KDM4C: variants seen among roughly 807,000 people sequenced by gnomAD.
KDM4C encodes lysine-specific demethylase 4C.
In KDM4C, 81 loss-of-function variants were observed where a neutral mutation model predicts 129.3. The observed-to-expected ratio is 0.63, with a 90% CI of 0.52 to 0.75. The LOEUF is 0.75. Ranked by LOEUF, KDM4C falls within the 30% of genes least tolerant of loss-of-function variation. The probability of loss-of-function intolerance (pLI) is 0.00; values close to 1 mark genes in which losing one functional copy is unlikely to be tolerated. For synonymous variants in KDM4C, 573 were observed against 456.1 expected (o/e 1.26, Z -3.26); for missense variants, 1,457 against 1,304.0 (o/e 1.12, Z -1.81).
chr9:7,080,035 T>C (rs1463260536), intron 17 of KDM4C, among the ~76,000 whole-genome samples: 1 of 145,118 alleles, frequency 6.9e-6, no homozygotes, highest in Admixed American at 6.9e-5. Flanking sequence ...TAATAAATAC[T>C]GAAAAAAAAA....
chr9:6,822,404 C>T (rs1432494484), intron 4 of KDM4C, among the ~76,000 whole-genome samples: 1 of 152,172 alleles, frequency 6.6e-6, no homozygotes, highest in Non-Finnish European at 1.5e-5. Context: ...GGAATGTTCT[C>T]AGGAGGATGA....
chr9:6,938,584 T>C (rs900969316), intron 8 of KDM4C, among the ~76,000 whole-genome samples: 3 of 152,212 alleles, frequency 2.0e-5, no homozygotes, highest in African/African-American at 7.2e-5. Context: ...GTTTGGTTTT[T>C]CAGCCAGCAC....
chr9:6,925,505 A>C (rs1166206934), intron 8 of KDM4C: 1 of 838,240 alleles, frequency 1.2e-6, no homozygotes, highest in African/African-American at 2.1e-5. Flanking sequence ...CATCTTGCTC[A>C]TGCTGCTTTC....
chr9:6,854,286 T>C (rs924081529), intron 5 of KDM4C, among the ~76,000 whole-genome samples: 4 of 152,132 alleles, frequency 2.6e-5, no homozygotes, highest in African/African-American at 9.6e-5. Context: ...CCCAGCACTT[T>C]GGGAGGCCGA....
chr9:6,810,997 C>A (rs1006159180), intron 3 of KDM4C, among the ~76,000 whole-genome samples: 2 of 152,278 alleles, frequency 1.3e-5, no homozygotes, highest in Non-Finnish European at 2.9e-5. Flanking sequence ...CTGCCAGTTT[C>A]ATGTAGAAAT....
intron 8 of KDM4C, 36 bp from the exon 9 acceptor site, chr9:6,980,889 A>C: frequency 1.3e-6 from 2 of 1,598,854 alleles, no homozygotes; most frequent in Non-Finnish European, 1.7e-6. Context: ...ATAGTTAGCG[A>C]AACGTTTAAC....
chr9:7,001,730 A>C (rs1425517394), intron 12 of KDM4C, among the ~76,000 whole-genome samples: 1 of 145,572 alleles, frequency 6.9e-6, no homozygotes, highest in Non-Finnish European at 1.5e-5. Context: ...CAAAGCTGAC[A>C]TCTTTTTTTT....
chr9:7,090,505 A>G (rs534788664), intron 17 of KDM4C, among the ~76,000 whole-genome samples: 1 of 152,170 alleles, frequency 6.6e-6, no homozygotes, highest in Non-Finnish European at 1.5e-5. Context: ...TTCTTGCTAA[A>G]AAAAAATAAT....
chr9:6,840,361 C>T (rs1398789791), intron 4 of KDM4C, among the ~76,000 whole-genome samples: 2 of 151,944 alleles, frequency 1.3e-5, no homozygotes, highest in Non-Finnish European at 2.9e-5. Context: ...GCACGAGCCA[C>T]TGAACCTGGC....
At chr9:6,978,223 G>C (rs147923934) in intron 8 of KDM4C, among the ~76,000 whole-genome samples, 2,584 of 152,268 alleles carry the variant, frequency 0.017, 42 homozygotes, top group Admixed American at 0.049. Flanking sequence ...TGAAGCTGGG[G>C]TTTGAATTTA....
At chr9:6,792,187 A>G (rs1446339509) in intron 1 of KDM4C, among the ~76,000 whole-genome samples, 1 of 151,508 alleles carries the variant, frequency 6.6e-6, no homozygotes, top group Non-Finnish European at 1.5e-5. Flanking sequence ...CTAAAAATAC[A>G]AAAAAGGTAG....
chr9:7,169,587 C>T (rs1188765992), intron 20 of KDM4C, among the ~76,000 whole-genome samples: 1 of 152,214 alleles, frequency 6.6e-6, no homozygotes, highest in Non-Finnish European at 1.5e-5. Flanking sequence ...CTGCCTCAGC[C>T]TCCCAAAGTG....
chr9:6,858,466 C>T (rs2130380815), intron 5 of KDM4C, among the ~76,000 whole-genome samples: 1 of 152,250 alleles, frequency 6.6e-6, no homozygotes, highest in South Asian at 2.1e-4. Flanking sequence ...TTATTGTGTA[C>T]TTCATGGAAA....
chr9:7,018,279 A>T (rs1824042827), intron 15 of KDM4C, among the ~76,000 whole-genome samples: 1 of 152,212 alleles, frequency 6.6e-6, no homozygotes, highest in Non-Finnish European at 1.5e-5. Context: ...GGTACAAAAG[A>T]CATAACAGCC....
chr9:6,831,641 C>G (rs984493379), intron 4 of KDM4C, among the ~76,000 whole-genome samples: 1 of 152,136 alleles, frequency 6.6e-6, no homozygotes, highest in African/African-American at 2.4e-5. Flanking sequence ...CGCACCCGGC[C>G]TATGATGAGA....
intron 5 of KDM4C, among the ~76,000 whole-genome samples, 197 bp downstream of exon 5, chr9:6,849,897 C>T (rs77902741): frequency 1.3e-5 from 2 of 152,108 alleles, no homozygotes; most frequent in African/African-American, 2.4e-5. Context: ...CATGGTAACT[C>T]GTACAGTCAT....
chr9:6,896,863 A>G (rs182034900), intron 8 of KDM4C, among the ~76,000 whole-genome samples: 2 of 152,172 alleles, frequency 1.3e-5, no homozygotes, highest in African/African-American at 4.8e-5. Flanking sequence ...GCTGTTGGCT[A>G]CTTGACTTCT....
At chr9:6,948,675 T>C (rs1423115205) in intron 8 of KDM4C, among the ~76,000 whole-genome samples, 1 of 151,432 alleles carries the variant, frequency 6.6e-6, no homozygotes, top group Non-Finnish European at 1.5e-5. Context: ...GATTAGGGAG[T>C]GGTGATGACT....
At chr9:6,983,430 G>A (rs56158237) in intron 9 of KDM4C, among the ~76,000 whole-genome samples, 2,151 of 152,262 alleles carry the variant, frequency 0.014, 24 homozygotes, top group Admixed American at 0.024. Context: ...GTATGTTGAT[G>A]TACGATGTTA....
Sources: gnomAD v4.1 joint callset for allele counts (sites outside exome capture counted in the v4.1 genomes callset) on GRCh38, gnomAD v4.1.1 for gene constraint, MANE v1.5 for transcripts, NCBI Gene and HGNC (gene_info 2026-07-23, HGNC 2026-07-21) for gene names.